Variants in FAM135A observed in about 807,000 individuals in gnomAD.
FAM135A encodes the protein protein FAM135A.
A neutral mutation model predicts 146.8 loss-of-function variants in FAM135A; 79 were observed. That is an observed-to-expected ratio of 0.54 (90% confidence interval 0.45 to 0.65). FAM135A has a LOEUF of 0.65. FAM135A is among the 30% of genes least tolerant of loss of function. The pLI is 0.00. For missense variants in FAM135A, 1,623 were observed against 1,758.2 expected, an observed-to-expected ratio of 0.92 and a Z score of 1.38; for synonymous variants, 562 against 603.6, an observed-to-expected ratio of 0.93 and a Z score of 1.01.
At chr6:70,514,781 T>A (rs2128306990) in intron 12 of FAM135A, among the ~76,000 whole-genome samples, 1 of 152,286 alleles carries the variant, frequency 6.6e-6, no homozygotes, top group East Asian at 1.9e-4. Flanking sequence ...TCTTAGGGGA[T>A]CCCATACTTT....
intron 20 of FAM135A, among the ~76,000 whole-genome samples, chr6:70,546,468 TC>T (rs1798887710): frequency 6.6e-6 from 1 of 152,202 alleles, no homozygotes; most frequent in South Asian, 2.1e-4. Context: ...CTGTGGGTCT[TC>T]CTTTTGAAAC....
chr6:70,526,665 G>A lies in FAM135A; in HGVS notation c.3581G>A (p.Trp1194Ter). The A allele has an allele frequency of 6.2e-7, 1 of 1,602,868 alleles. No homozygotes were observed. The highest frequency in any genetic ancestry group is 8.5e-7 in the Non-Finnish European group (1 of 1,175,604). The change falls in exon 15 of 22, where the codon TGG becomes TAG. Residue 1194 changes from tryptophan to a stop codon, truncating the protein, a stop_gained. Coordinates refer to ENST00000418814, the MANE Select transcript of FAM135A (RefSeq NM_001162529.3). LOFTEE classifies it high-confidence loss of function. Reference sequence around the variant, plus strand: ...TACAACTTCACTTCTTCGATTTCCTGGTATGAAAGTTCACCAAAACCTCAA... The same window carrying A: ...TACAACTTCACTTCTTCGATTTCCTAGTATGAAAGTTCACCAAAACCTCAA... Reference protein sequence around the residue: ...TSYNFTSSISWYESSPKPQIQ... With the variant: ...TSYNFTSSIS
At chr6:70,448,601 G>C (rs567488846) in intron 4 of FAM135A, among the ~76,000 whole-genome samples, 4 of 152,118 alleles carry the variant, frequency 2.6e-5, no homozygotes, top group Non-Finnish European at 5.9e-5. Context: ...AATTAAAGGC[G>C]CACACACAGA....
chr6:70,500,513 T>A (rs375696962), intron 11 of FAM135A, among the ~76,000 whole-genome samples: 1 of 152,178 alleles, frequency 6.6e-6, no homozygotes, highest in Non-Finnish European at 1.5e-5. Context: ...CCGTCCAGTT[T>A]TGTGTCCTTG....
intron 10 of FAM135A, among the ~76,000 whole-genome samples, chr6:70,489,920 A>G (rs914951799): frequency 4.6e-5 from 7 of 152,124 alleles, no homozygotes; most frequent in African/African-American, 1.7e-4. Flanking sequence ...TAACCAATAT[A>G]GCCGTTGTCC....
chr6:70,477,815 A>G (rs1782914537), intron 8 of FAM135A, among the ~76,000 whole-genome samples: 1 of 152,198 alleles, frequency 6.6e-6, no homozygotes, highest in African/African-American at 2.4e-5. Flanking sequence ...AACTGAAATA[A>G]TGACTTTTAA....
At chr6:70,439,508 A>G (rs933092283) in intron 4 of FAM135A, among the ~76,000 whole-genome samples, 6 of 152,278 alleles carry the variant, frequency 3.9e-5, no homozygotes, top group Non-Finnish European at 7.4e-5. Flanking sequence ...ATTCTATATT[A>G]ATTGCAAACA....
chr6:70,518,963 T>C (rs1263433334), intron 12 of FAM135A, among the ~76,000 whole-genome samples: 1 of 152,236 alleles, frequency 6.6e-6, no homozygotes, highest in Non-Finnish European at 1.5e-5. Context: ...CTTTCAAACC[T>C]TATTACTTAA....
chr6:70,461,557 T>A (rs1451427456), intron 5 of FAM135A, among the ~76,000 whole-genome samples: 1 of 152,194 alleles, frequency 6.6e-6, no homozygotes, highest in Non-Finnish European at 1.5e-5. Context: ...TGTTAATAAG[T>A]ATAATTTTAA....
At chr6:70,471,594 T>A (rs950958167) in intron 5 of FAM135A, among the ~76,000 whole-genome samples, 5 of 148,734 alleles carry the variant, frequency 3.4e-5, no homozygotes, top group Non-Finnish European at 5.9e-5. Context: ...AGAGGATCAA[T>A]CAGGAAGAAT....
At chr6:70,481,874 T>C in intron 9 of FAM135A, 127 bp from the exon 10 acceptor site, 2 of 855,950 alleles carry the variant, frequency 2.3e-6, no homozygotes, top group Non-Finnish European at 3.2e-6. Context: ...TATTACCACA[T>C]TTTTTATATG....
At chr6:70,479,027 C>G (rs1010103192) in intron 8 of FAM135A, among the ~76,000 whole-genome samples, 4 of 152,014 alleles carry the variant, frequency 2.6e-5, no homozygotes, top group Non-Finnish European at 5.9e-5. Context: ...AAATGTATTA[C>G]TCTAGTTTTC....
At position 70,524,336 on chromosome 6, in the gene FAM135A, A is replaced by G. The variant is rs1217812999; in HGVS notation, c.1259-7A>G. 6.8e-7 allele frequency: 1 copy of G among 1,469,994 alleles called. No individual in the cohort carries two copies. Among genetic ancestry groups the G allele is most frequent in the Non-Finnish European group, 9.0e-7 (1 of 1,114,908 alleles). The allele number at this position is 1,469,994 out of a possible 1,614,324, so 91.1% of individuals were successfully genotyped here. On this transcript the variant is annotated splice_polypyrimidine_tract_variant and splice_region_variant and intron_variant, in intron 14 of 21. Transcript: ENST00000418814. ...TAAACCTGAATCTTTTTTTCTTTGG[A>G]TAAAAGACTTAGATGCACCCTGGAT...
intron 21 of FAM135A, among the ~76,000 whole-genome samples, chr6:70,558,710 T>C (rs6941595): frequency 0.2 from 30,322 of 151,936 alleles, 3,285 homozygotes; most frequent in African/African-American, 0.28. Context: ...CCCAGCTACT[T>C]GGGAGGGTTA....
intron 4 of FAM135A, among the ~76,000 whole-genome samples, chr6:70,431,186 T>C (rs968628018): frequency 3.9e-5 from 6 of 152,156 alleles, no homozygotes; most frequent in Admixed American, 3.3e-4. Flanking sequence ...TTCTGTATTG[T>C]TTATTGTCAC....
intron 4 of FAM135A, among the ~76,000 whole-genome samples, chr6:70,447,387 T>C (rs970762573): frequency 2.0e-5 from 3 of 152,218 alleles, no homozygotes; most frequent in African/African-American, 7.2e-5. Flanking sequence ...AATTTCCCCA[T>C]TGTAATCTGA....
intron 4 of FAM135A, among the ~76,000 whole-genome samples, chr6:70,440,200 A>T (rs749792557): frequency 3.3e-5 from 5 of 152,216 alleles, no homozygotes; most frequent in Admixed American, 1.3e-4. Flanking sequence ...ACGAATCCTC[A>T]AGTGATGCTA....
At chr6:70,533,966 C>A in intron 18 of FAM135A, 112 bp downstream of exon 18, 41 of 440,176 alleles carry the variant, frequency 9.3e-5, no homozygotes, top group South Asian at 6.5e-4. Flanking sequence ...GACTACAACT[C>A]AAATTAATTT....
chr6:70,461,862 T>G (rs903587004), intron 5 of FAM135A, among the ~76,000 whole-genome samples: 1 of 152,222 alleles, frequency 6.6e-6, no homozygotes, highest in East Asian at 1.9e-4. Flanking sequence ...TGAGTCTTTC[T>G]TTCCTTATCA....
Sources: allele counts gnomAD v4.1 joint callset (sites outside exome capture counted in the v4.1 genomes callset), GRCh38; gene constraint gnomAD v4.1.1; transcripts MANE v1.5; gene names NCBI Gene and HGNC (gene_info 2026-07-23, HGNC 2026-07-21).